Variants in SLC29A3 observed in about 807,000 individuals in gnomAD.
SLC29A3 encodes equilibrative nucleoside transporter 3.
A neutral mutation model predicts 25.4 loss-of-function variants in SLC29A3; 18 were observed. The ratio of observed to expected loss-of-function variants is 0.71; its 90% CI spans 0.49 to 1.05. The LOEUF (loss-of-function observed/expected upper bound fraction) is 1.05, where lower values mean the gene tolerates loss of function less well. Ranked by LOEUF, SLC29A3 falls within the 50% of genes least tolerant of loss-of-function variation. SLC29A3 has a pLI of 0.00. For synonymous variants in SLC29A3, 258 were observed against 267.1 expected (o/e 0.97, Z 0.33); for missense variants, 586 against 609.0 (o/e 0.96, Z 0.40).
At chr10:71,348,724 C>T (rs1327439560) in intron 3 of SLC29A3, among the ~76,000 whole-genome samples, 1 of 152,218 alleles carries the variant, frequency 6.6e-6, no homozygotes, top group East Asian at 1.9e-4. Context: ...AGCTCCTGTC[C>T]AGGCCAAAGC....
chr10:71,364,944 A>G (rs576221877), downstream of SLC29A3: 46 of 152,386 alleles, frequency 3.0e-4, no homozygotes, highest in African/African-American at 1.1e-3. Flanking sequence ...AATGAGCAGC[A>G]TGGGCCGGGC....
At chr10:71,349,417 G>T (rs899925374) in intron 3 of SLC29A3, among the ~76,000 whole-genome samples, 1 of 152,208 alleles carries the variant, frequency 6.6e-6, no homozygotes, top group Non-Finnish European at 1.5e-5. Flanking sequence ...TCTCGGCAGT[G>T]AGCTTCTCTC....
chr10:71,360,949 A>T (rs1458123849), intron 5 of SLC29A3, among the ~76,000 whole-genome samples: 2 of 152,260 alleles, frequency 1.3e-5, no homozygotes, highest in Non-Finnish European at 2.9e-5. Flanking sequence ...ACAGTTATGC[A>T]TGATTTAGGC....
intron 3 of SLC29A3, among the ~76,000 whole-genome samples, chr10:71,349,184 C>A: frequency 6.6e-6 from 1 of 152,168 alleles, no homozygotes; most frequent in Non-Finnish European, 1.5e-5. Context: ...AGCTTGAAAC[C>A]CTGATGTACC....
chr10:71,362,789 GCAGATATTC>G lies in SLC29A3; in HGVS notation c.*185_*193del, dbSNP rs1847104288. 1 of 760,952 alleles carries G rather than the reference GCAGATATTC, an allele frequency of 1.3e-6. No homozygotes were observed. 47.1% of individuals were successfully genotyped at this position (760,952 alleles called of 1,614,324 possible). A position where few individuals can be genotyped will look rare whatever the true frequency, so the allele number is the denominator to read the frequency against. ...CACGTCCATGCCCATTCCGTGCAAG[GCAGATATTC>G]CAGTCATATTAACAGAACACTCCTG... is the stretch of plus-strand genomic sequence containing the variant. On this transcript the variant is annotated 3_prime_UTR_variant, in exon 6 of 6. Coordinates refer to ENST00000373189, the MANE Select transcript of SLC29A3 (RefSeq NM_018344.6).
intron 4 of SLC29A3, among the ~76,000 whole-genome samples, chr10:71,351,994 T>A (rs570560649): frequency 6.6e-4 from 100 of 152,240 alleles, no homozygotes; most frequent in South Asian, 1.5e-3. Context: ...CAGGTGTAGC[T>A]CTTCTCTTCT....
Position 71,323,014 on chromosome 10 carries a change from G to A in SLC29A3, c.260G>A (p.Ser87Asn). 6 of 1,613,906 alleles carry A rather than the reference G, an allele frequency of 3.7e-6. No individual in the cohort carries two copies. ...ATGTTCAAACTCCGCAACTCCTCCAGCCCAGCCACCGGGGAGGACCCTGAG... is the reference window on the plus strand; with the variant it reads ...ATGTTCAAACTCCGCAACTCCTCCAACCCAGCCACCGGGGAGGACCCTGAG... Reference protein sequence around the residue: ...YWMFKLRNSSSPATGEDPEGS... With the variant: ...YWMFKLRNSSNPATGEDPEGS... The change falls in exon 2 of 6, where the codon AGC (serine) becomes AAC (asparagine). Residue 87 changes from serine (S) to asparagine (N), a missense_variant. Physicochemically the swap from Ser to Asn is conservative, Grantham distance 46. Transcript: ENST00000373189.
In SLC29A3 at chr10:71,323,078, G is replaced by C. The variant is rs1430247026; in HGVS notation, c.300+24G>C. 4 of 1,611,796 alleles carry C rather than the reference G, an allele frequency of 2.5e-6. No individual in the cohort carries two copies. In the African/African-American group the frequency reaches 5.3e-5, roughly 22 times the overall value. On this transcript the variant is annotated intron_variant, in intron 2 of 5. Coordinates refer to ENST00000373189, the MANE Select transcript of SLC29A3 (RefSeq NM_018344.6). The stretch of plus-strand genomic sequence containing the variant: ...TGGTAAGGGCATGTTTCTCCTGCAA[G>C]GCTGGTGGGAGCATACAGAGGCCTC...
chr10:71,347,518 C>G (rs1846623655), intron 3 of SLC29A3, among the ~76,000 whole-genome samples: 1 of 152,210 alleles, frequency 6.6e-6, no homozygotes, highest in Non-Finnish European at 1.5e-5. Flanking sequence ...CCCTGGGCCA[C>G]TCTCCCTTCC....
chr10:71,357,834 G>A (rs984297418), intron 5 of SLC29A3, among the ~76,000 whole-genome samples: 7 of 152,140 alleles, frequency 4.6e-5, no homozygotes, highest in African/African-American at 1.7e-4. Flanking sequence ...TATCTTATTT[G>A]ATGTAGGAAA....
At chr10:71,357,247 C>T (rs1846938553) in intron 5 of SLC29A3, among the ~76,000 whole-genome samples, 1 of 152,154 alleles carries the variant, frequency 6.6e-6, no homozygotes, top group African/African-American at 2.4e-5. Flanking sequence ...AACCCCATCT[C>T]TACTAAAAAT....
intron 3 of SLC29A3, chr10:71,375,691 A>T (rs1847246415): frequency 6.6e-6 from 1 of 152,226 alleles, no homozygotes; most frequent in Non-Finnish European, 1.5e-5. Flanking sequence ...TATTCATTTC[A>T]TAGGCAAGGA....
Position 71,361,934 on chromosome 10 carries a change from G to T in SLC29A3, c.774-20G>T. On this transcript the variant is annotated intron_variant, in intron 5 of 5. Transcript: ENST00000373189. Reference sequence around the variant, plus strand: ...ATCCCAAGCAACCTGCTTGATGGTGGCCCTGTCTCCTCCCTGCAGGTACTA... The same window carrying T: ...ATCCCAAGCAACCTGCTTGATGGTGTCCCTGTCTCCTCCCTGCAGGTACTA... The T allele has an allele frequency of 6.2e-7, 1 of 1,613,444 alleles. No individual in the cohort carries two copies. Among genetic ancestry groups the T allele is most frequent in the Middle Eastern group, 1.7e-4 (1 of 6,044 alleles).
intron 2 of SLC29A3, among the ~76,000 whole-genome samples, chr10:71,335,313 C>T (rs917572632): frequency 2.0e-5 from 3 of 152,214 alleles, no homozygotes; most frequent in Non-Finnish European, 2.9e-5. Context: ...CCCTCAGCCA[C>T]CCTTGCCTCC....
At chr10:71,347,326 G>A (rs1233699569) in intron 3 of SLC29A3, among the ~76,000 whole-genome samples, 1 of 152,120 alleles carries the variant, frequency 6.6e-6, no homozygotes, top group Non-Finnish European at 1.5e-5. Context: ...TCAGGGAGTC[G>A]GGGGACCGGC....
chr10:71,353,067 G>A (rs1317789073), intron 4 of SLC29A3, among the ~76,000 whole-genome samples: 1 of 152,138 alleles, frequency 6.6e-6, no homozygotes, highest in Non-Finnish European at 1.5e-5. Context: ...TTCCCCACTC[G>A]AGCCAGTGCC....
Position 71,356,154 on chromosome 10 carries a change from C to T in SLC29A3, c.684C>T (p.Asn228=), listed in dbSNP as rs779405998. The T allele has an allele frequency of 6.2e-7, 1 of 1,614,206 alleles. No individual in the cohort carries two copies. The highest frequency in any genetic ancestry group is 1.1e-5 in the South Asian group (1 of 91,088). The change falls in exon 5 of 6, where the codon AAC becomes AAT. Residue 228 remains asparagine (N), a synonymous_variant. Transcript: ENST00000373189. Reference sequence around the variant, plus strand: ...TGGCTGCATCCAGTGATGTGAGGAACAGCGCCCTGGCCTTCTTCCTGACGG... The same window carrying T: ...TGGCTGCATCCAGTGATGTGAGGAATAGCGCCCTGGCCTTCTTCCTGACGG... The part of the protein sequence containing the change: ...VDLAASSDVR[N]SALAFFLTAT...
intron 4 of SLC29A3, among the ~76,000 whole-genome samples, chr10:71,355,264 G>A (rs890130915): frequency 2.6e-5 from 4 of 152,192 alleles, no homozygotes; most frequent in Non-Finnish European, 4.4e-5. Flanking sequence ...ACGTCCATCC[G>A]CCTGACTCCT....
Position 71,334,956 on chromosome 10 carries a change from C to CTT in SLC29A3, c.301-9239_301-9238dup, listed in dbSNP as rs59654006. 2.9e-3 allele frequency among the ~76,000 whole-genome samples: 374 copies of CTT among 129,322 alleles called. 1 individual carries two copies. The highest frequency in any genetic ancestry group is 8.3e-3 in the South Asian group (35 of 4,208). The allele number at this position is 129,322 out of a possible 152,430, so 84.8% of individuals were successfully genotyped here. ...CACTTGCTGTTGACTCTTTTTTTTT[C>CTT]TTTTTTTTTTTTTTTGTGCCTCCCT... is the stretch of plus-strand genomic sequence containing the variant. On this transcript the variant is annotated intron_variant, in intron 2 of 5. Coordinates refer to ENST00000373189, the MANE Select transcript of SLC29A3 (RefSeq NM_018344.6).
Sources: gnomAD v4.1 joint callset for allele counts (sites outside exome capture counted in the v4.1 genomes callset) on GRCh38, gnomAD v4.1.1 for gene constraint, MANE v1.5 for transcripts, NCBI Gene and HGNC (gene_info 2026-07-23, HGNC 2026-07-21) for gene names.